LMX1B: variants seen among roughly 807,000 people sequenced by gnomAD.
LMX1B encodes the protein LIM homeobox transcription factor 1 beta.
A neutral mutation model predicts 51.4 loss-of-function variants in LMX1B; 12 were observed. That is an observed-to-expected ratio of 0.23 (90% CI 0.15 to 0.38). The LOEUF is 0.38. Ranked by LOEUF, LMX1B falls within the 10% of genes least tolerant of loss-of-function variation. The pLI, the probability that LMX1B is intolerant of heterozygous loss-of-function variation, is 1.00. For missense variants in LMX1B, 445 were observed against 571.1 expected, an observed-to-expected ratio of 0.78 and a Z score of 2.25; for synonymous variants, 237 against 235.4, an observed-to-expected ratio of 1.01 and a Z score of -0.06.
chr9:126,691,469 A>C (rs939379443), intron 3 of LMX1B, among the ~76,000 whole-genome samples: 2 of 152,232 alleles, frequency 1.3e-5, no homozygotes, highest in Non-Finnish European at 2.9e-5. Context: ...ACACTTAAGC[A>C]TACATACACA....
Position 126,615,909 on chromosome 9 carries a change from G to C in LMX1B, c.326+340G>C, listed in dbSNP as rs1340130262. On this transcript the variant is annotated intron_variant, in intron 2 of 7. Transcript: ENST00000373474. This position sits in a 1 kb window ranked among gnomAD's most constrained non-coding sequence, Gnocchi z 6.0. The stretch of plus-strand genomic sequence containing the variant: ...TGGGAACCCAAAATTGATTTCCAAA[G>C]GAAAATAATGTTTTAGGGAGCCAGG... Among the ~76,000 whole-genome samples the C allele has an allele frequency of 3.9e-5, 6 of 152,210 alleles. No homozygotes were observed. The highest frequency in any genetic ancestry group is 8.8e-5 in the Non-Finnish European group (6 of 68,032).
chr9:126,635,719 G>A (rs1293087367), intron 2 of LMX1B, among the ~76,000 whole-genome samples: 2 of 152,230 alleles, frequency 1.3e-5, no homozygotes, highest in Non-Finnish European at 2.9e-5. Context: ...AGAAACTGGG[G>A]CTCTGAGAGG....
chr9:126,678,561 A>C (rs12343574), intron 2 of LMX1B, among the ~76,000 whole-genome samples: 28,002 of 152,156 alleles, frequency 0.18, 3,796 homozygotes, highest in African/African-American at 0.38. Flanking sequence ...ATTTGTAGTA[A>C]TAAACTTTGG....
In LMX1B at chr9:126,695,372, G is replaced by A. The variant is rs139220833; in HGVS notation, c.887-467G>A. ...CGTGCTGCACCCTCACTTACCCGGC[G>A]GTCTGTCTCCTCCATGCCTTTGCCG... On this transcript the variant is annotated intron_variant, in intron 6 of 7. Transcript: ENST00000373474. The surrounding 1 kb of genome is among the most constrained non-coding windows in gnomAD (Gnocchi z 5.2). Among the ~76,000 whole-genome samples, 2 of 152,256 alleles carry A rather than the reference G, an allele frequency of 1.3e-5. No individual in the cohort carries two copies. Among genetic ancestry groups the A allele is most frequent in the African/African-American group, 2.4e-5 (1 of 41,532 alleles).
At chr9:126,638,058 G>C (rs1835746068) in intron 2 of LMX1B, among the ~76,000 whole-genome samples, 1 of 151,420 alleles carries the variant, frequency 6.6e-6, no homozygotes, top group Non-Finnish European at 1.5e-5. Context: ...TGTCCAGGCT[G>C]GGATCTCAGG....
At chr9:126,688,031 T>C (rs868647204) in intron 2 of LMX1B, among the ~76,000 whole-genome samples, 5 of 152,336 alleles carry the variant, frequency 3.3e-5, no homozygotes, top group African/African-American at 9.6e-5. Context: ...GATGTTTTAT[T>C]GGGTGGAGAG....
chr9:126,626,038 C>T lies in LMX1B; in HGVS notation c.326+10469C>T, dbSNP rs546726150. Among the ~76,000 whole-genome samples the T allele has an allele frequency of 6.6e-6, 1 of 152,366 alleles. No individual in the cohort carries two copies. Among genetic ancestry groups the T allele is most frequent in the East Asian group, 1.9e-4 (1 of 5,184 alleles). On this transcript the variant is annotated intron_variant, in intron 2 of 7. Transcript: ENST00000373474. This position sits in a 1 kb window ranked among gnomAD's most constrained non-coding sequence, Gnocchi z 4.3. ...TGCCCCCGGGGGCTCCGTTTTGCTC[C>T]CCTCATGGACATGGGGGTGGGGAGC...
intron 1 of LMX1B, among the ~76,000 whole-genome samples, chr9:126,614,899 G>A (rs554575113): frequency 1.3e-5 from 2 of 152,244 alleles, no homozygotes; most frequent in East Asian, 3.9e-4. Context: ...ACCTTGGCGA[G>A]CTTGGGAGAG....
intron 2 of LMX1B, among the ~76,000 whole-genome samples, chr9:126,620,377 C>A (rs550027063): frequency 6.6e-6 from 1 of 152,316 alleles, no homozygotes; most frequent in African/African-American, 2.4e-5. Flanking sequence ...GGGGCCTCAT[C>A]AACAAACTGG....
chr9:126,670,571 C>A (rs1312830384), intron 2 of LMX1B, among the ~76,000 whole-genome samples: 2 of 152,174 alleles, frequency 1.3e-5, no homozygotes, highest in South Asian at 2.1e-4. Context: ...CTTGAGTACA[C>A]GTATGCACAC....
At chr9:126,646,191 T>C (rs1835896415) in intron 2 of LMX1B, among the ~76,000 whole-genome samples, 3 of 152,254 alleles carry the variant, frequency 2.0e-5, no homozygotes, top group African/African-American at 7.2e-5. Flanking sequence ...TGATATGAAG[T>C]GACATGTCAG....
At chr9:126,670,446 A>G (rs1229043033) in intron 2 of LMX1B, among the ~76,000 whole-genome samples, 2 of 151,740 alleles carry the variant, frequency 1.3e-5, no homozygotes, top group African/African-American at 4.9e-5. Flanking sequence ...ATGTGTGCAT[A>G]TGGGTGCAGA....
At chr9:126,647,559 C>T (rs1196262833) in intron 2 of LMX1B, among the ~76,000 whole-genome samples, 2 of 152,268 alleles carry the variant, frequency 1.3e-5, no homozygotes, top group East Asian at 3.9e-4. Flanking sequence ...GCCTTTTGAC[C>T]CCTTGACTTT....
chr9:126,617,912 G>C (rs1588260070), intron 2 of LMX1B, among the ~76,000 whole-genome samples: 1 of 106,900 alleles, frequency 9.4e-6, no homozygotes, highest in South Asian at 3.9e-4. Flanking sequence ...TGCTGGGGGT[G>C]GGGGGTGGGG....
chr9:126,680,107 G>A (rs1280241346), intron 2 of LMX1B, among the ~76,000 whole-genome samples: 1 of 152,212 alleles, frequency 6.6e-6, no homozygotes. Flanking sequence ...CACGTGCGTT[G>A]TCAGCCCTCT....
chr9:126,665,976 C>G (rs1037826688), intron 2 of LMX1B, among the ~76,000 whole-genome samples: 2 of 152,236 alleles, frequency 1.3e-5, no homozygotes, highest in Non-Finnish European at 2.9e-5. Flanking sequence ...GAACAAAGAT[C>G]GGAGGAGGAG....
intron 2 of LMX1B, among the ~76,000 whole-genome samples, chr9:126,689,456 G>A (rs1004378811): frequency 3.9e-5 from 6 of 152,352 alleles, no homozygotes; most frequent in African/African-American, 7.2e-5. Context: ...CCAAGGTGGC[G>A]CCCGCAGACA....
chr9:126,689,705 C>T (rs551995671), intron 2 of LMX1B, among the ~76,000 whole-genome samples: 9 of 151,112 alleles, frequency 6.0e-5, no homozygotes, highest in Non-Finnish European at 1.2e-4. Context: ...TCCCGGCCCT[C>T]GTTTGTCTGC....
rs1264760690 is a variant in LMX1B at position 126,693,795 on chromosome 9, C to T, written c.869C>T (p.Ser290Phe). The T allele has an allele frequency of 2.1e-6, 3 of 1,408,144 alleles. No homozygotes were observed. The highest frequency in any genetic ancestry group is 2.9e-6 in the Non-Finnish European group (3 of 1,025,762). The allele number at this position is 1,408,144 out of a possible 1,614,324, so 87.2% of individuals were successfully genotyped here. Residue 290 changes from serine to phenylalanine, a missense_variant, in exon 6 of 8, where the codon TCC (serine) becomes TTC (phenylalanine). By Grantham distance (155) the Ser-to-Phe change is radical. This residue lies in a region of LMX1B where 162 missense variants were observed against 187.8 expected (regional missense o/e 0.86). Transcript: ENST00000373474. Reference sequence around the variant, plus strand: ...CAGCAGCAGCAGGAGCAGCAGAACTCCCAGCGGCTGGGCCAGGGTGAGCCG... The same window carrying T: ...CAGCAGCAGCAGGAGCAGCAGAACTTCCAGCGGCTGGGCCAGGGTGAGCCG... ...RHQQQQEQQN[S>F]QRLGQEVLSS...
Sources: gnomAD v4.1 joint callset for allele counts (sites outside exome capture counted in the v4.1 genomes callset) on GRCh38, gnomAD v4.1.1 for gene constraint, gnomAD v4.1.1 regional missense constraint, Gnocchi (gnomAD v3.1) non-coding constraint, MANE v1.5 for transcripts, NCBI Gene and HGNC (gene_info 2026-07-23, HGNC 2026-07-21) for gene names.